The following BBS7 variants were observed in gnomAD, a reference collection of about 807,000 sequenced individuals.
The protein encoded by BBS7 is Bardet-Biedl syndrome 7.
In BBS7, 50 loss-of-function variants were observed where a neutral mutation model predicts 90.3. The observed-to-expected ratio is 0.55, with a 90% CI of 0.44 to 0.70. BBS7 has a LOEUF of 0.70. Among genes scored for constraint, BBS7 ranks in the 30% least tolerant of loss-of-function variants. The pLI is 0.00. For synonymous variants in BBS7, 235 were observed against 287.4 expected (o/e 0.82, Z 1.85); for missense variants, 729 against 838.9 (o/e 0.87, Z 1.62).
intron 2 of BBS7, among the ~76,000 whole-genome samples, chr4:121,866,101 G>A (rs1397177717): frequency 6.6e-6 from 1 of 152,024 alleles, no homozygotes; most frequent in Non-Finnish European, 1.5e-5. Context: ...TGAGTTCCTT[G>A]TATATTCTGG....
intron 7 of BBS7, among the ~76,000 whole-genome samples, chr4:121,854,098 A>G (rs1328216933): frequency 6.6e-6 from 1 of 152,158 alleles, no homozygotes; most frequent in Non-Finnish European, 1.5e-5. Flanking sequence ...GTGGTCTAAA[A>G]GTGACCCTCC....
chr4:121,839,817 T>C (rs1348970011), intron 12 of BBS7, 121 bp from the exon 13 acceptor site: 8 of 781,816 alleles, frequency 1.0e-5, no homozygotes, highest in Non-Finnish European at 1.7e-5. Context: ...CTCAGCGCTT[T>C]TCAAACATGT....
At chr4:121,857,410 T>G (rs1203582336) in intron 5 of BBS7, among the ~76,000 whole-genome samples, 1 of 152,198 alleles carries the variant, frequency 6.6e-6, no homozygotes, top group Admixed American at 6.5e-5. Context: ...TGAGCCGCTG[T>G]GCCCAGCCTG....
At chr4:121,856,509 G>A (rs1726680548) in intron 5 of BBS7, among the ~76,000 whole-genome samples, 1 of 152,072 alleles carries the variant, frequency 6.6e-6, no homozygotes, top group Non-Finnish European at 1.5e-5. Flanking sequence ...CAGGTCAGGA[G>A]TTCAAGACCA....
At chr4:121,857,859 T>G (rs956729184) in intron 5 of BBS7, among the ~76,000 whole-genome samples, 5 of 143,550 alleles carry the variant, frequency 3.5e-5, no homozygotes, top group African/African-American at 1.3e-4. Context: ...CAGGCTGGAG[T>G]GCAGTGATGC....
At chr4:121,842,247 A>T (rs1190019051) in intron 12 of BBS7, among the ~76,000 whole-genome samples, 1 of 123,802 alleles carries the variant, frequency 8.1e-6, no homozygotes, top group Non-Finnish European at 1.7e-5. Context: ...GTGAGACTCC[A>T]TCTCAAAAAA....
chr4:121,827,795 C>T (rs1724979082), intron 18 of BBS7: 1 of 955,924 alleles, frequency 1.0e-6, no homozygotes, highest in Non-Finnish European at 1.3e-6. Flanking sequence ...TTCACAATAG[C>T]AACAAAACAT....
chr4:121,852,818 C>A, intron 8 of BBS7, 138 bp downstream of exon 8: 1 of 864,230 alleles, frequency 1.2e-6, no homozygotes, highest in East Asian at 2.7e-5. Flanking sequence ...AGAGAAGATT[C>A]TGATAACATC....
rs1726956063 is a variant in BBS7, at chr4:121,861,151, G to T, written c.341+353C>A. The T allele has an allele frequency of 1.5e-5, 3 of 196,004 alleles. No homozygotes were observed. The South Asian group carries it at 2.7e-4, about 18-fold the overall frequency. 12.1% of individuals were successfully genotyped at this position (196,004 alleles called of 1,614,324 possible). Reference sequence around the variant, plus strand: ...CTATTGGTAATCACTAACTTTGACAGCCAGCCTTTTAACATAATGATGCTA... The same window carrying T: ...CTATTGGTAATCACTAACTTTGACATCCAGCCTTTTAACATAATGATGCTA... On this transcript the variant is annotated intron_variant, in intron 4 of 18. Transcript: ENST00000264499.
At chr4:121,863,034 G>A (rs528624948) in intron 3 of BBS7, among the ~76,000 whole-genome samples, 183 bp downstream of exon 3, 5 of 152,284 alleles carry the variant, frequency 3.3e-5, no homozygotes, top group African/African-American at 1.2e-4. Flanking sequence ...TGCCAAAGGT[G>A]CCTTACAACT....
chr4:121,867,915 A>T (rs973394228), intron 2 of BBS7, 66 bp downstream of exon 2: 1 of 1,304,430 alleles, frequency 7.7e-7, no homozygotes, highest in Non-Finnish European at 1.1e-6. Context: ...ATAATAAAGA[A>T]GGAAATAGGA....
chr4:121,842,688 G>C (rs1000759669), intron 12 of BBS7, among the ~76,000 whole-genome samples: 1 of 151,986 alleles, frequency 6.6e-6, no homozygotes, highest in Non-Finnish European at 1.5e-5. Context: ...TTCTGCAACA[G>C]TGCCAATGCA....
intron 12 of BBS7, among the ~76,000 whole-genome samples, chr4:121,840,063 GCTCTGT>G (rs1725658602): frequency 6.6e-6 from 1 of 152,144 alleles, no homozygotes; most frequent in Admixed American, 6.5e-5. Context: ...ATATGGTTTG[GCTCTGT>G]CCCCATTCAA....
chr4:121,863,244 GCA>G lies in BBS7; in HGVS notation c.136_137del (p.Cys46LeufsTer43). ...VIGDHDGVVM[C>X]FGMKKGEAAA... ...CTGCTTCTCCTTTCTTCATGCCAAAGCACATAACTACCCCATCATGATCTCCA... is the reference window on the plus strand; with the variant it reads ...CTGCTTCTCCTTTCTTCATGCCAAAGCATAACTACCCCATCATGATCTCCA... On this transcript the variant is annotated frameshift_variant, in exon 3 of 19. Coordinates refer to ENST00000264499, the MANE Select transcript of BBS7 (RefSeq NM_176824.3). LOFTEE classifies it high-confidence loss of function. 6.2e-7 allele frequency: 1 copy of G among 1,613,752 alleles called. No individual in the cohort carries two copies. Among genetic ancestry groups the G allele is most frequent in the Non-Finnish European group, 8.5e-7 (1 of 1,179,834 alleles).
Position 121,835,202 on chromosome 4 carries a change from G to T in BBS7, c.1453C>A (p.Gln485Lys). The change falls in exon 14 of 19, where the codon CAG becomes AAG. Residue 485 changes from glutamine to lysine, a missense_variant. Coordinates refer to ENST00000264499, the MANE Select transcript of BBS7 (RefSeq NM_176824.3). ...AGTGAAAGAGGTTTGATGTGGTACTGGCGGACCTGACAGGTTTTGGGTTGA... is the reference window on the plus strand; with the variant it reads ...AGTGAAAGAGGTTTGATGTGGTACTTGCGGACCTGACAGGTTTTGGGTTGA... ...RIQPKTCQVR[Q>K]YHIKPLSLHQ... 1.2e-6 allele frequency: 2 copies of T among 1,613,884 alleles called. No homozygotes were observed. The highest frequency in any genetic ancestry group is 1.7e-6 in the Non-Finnish European group (2 of 1,179,848).
At chr4:121,839,605 G>A in intron 13 of BBS7, 26 bp downstream of exon 13, 1 of 1,571,446 alleles carries the variant, frequency 6.4e-7, no homozygotes, top group Non-Finnish European at 8.8e-7. Context: ...AAACATTCAA[G>A]TAAAGGTAAT....
In BBS7 at chr4:121,825,786, G is replaced by A; in HGVS notation, c.*74C>T. On this transcript the variant is annotated 3_prime_UTR_variant, in exon 19 of 19. Coordinates refer to ENST00000264499, the MANE Select transcript of BBS7 (RefSeq NM_176824.3). ...CATTTGAAATTAAAGTACATACACAGTTAACTTCTAATTCTCTTTTAACAT... is the reference window on the plus strand; with the variant it reads ...CATTTGAAATTAAAGTACATACACAATTAACTTCTAATTCTCTTTTAACAT... 1 of 1,498,082 alleles carries A rather than the reference G, an allele frequency of 6.7e-7. No homozygotes were observed. The highest frequency in any genetic ancestry group is 1.2e-5 in the South Asian group (1 of 86,154). 92.8% of individuals were successfully genotyped at this position (1,498,082 alleles called of 1,614,324 possible).
intron 12 of BBS7, among the ~76,000 whole-genome samples, chr4:121,841,577 A>G (rs911004997): frequency 2.6e-5 from 4 of 152,028 alleles, no homozygotes; most frequent in Non-Finnish European, 5.9e-5. Context: ...TTAAAAAAAA[A>G]AAAGACTAAC....
intron 13 of BBS7, among the ~76,000 whole-genome samples, chr4:121,837,828 G>C (rs1487452336): frequency 6.6e-6 from 1 of 152,028 alleles, no homozygotes; most frequent in Non-Finnish European, 1.5e-5. Flanking sequence ...AAGACGGTTG[G>C]GCGTGGTGGC....
Sources: allele counts gnomAD v4.1 joint callset (sites outside exome capture counted in the v4.1 genomes callset), GRCh38; gene constraint gnomAD v4.1.1; transcripts MANE v1.5; gene names NCBI Gene and HGNC (gene_info 2026-07-23, HGNC 2026-07-21).